The following PEPD variants were observed in gnomAD, a reference collection of about 807,000 sequenced individuals.
PEPD encodes xaa-Pro dipeptidase.
Under a neutral mutation model 60.7 loss-of-function variants are expected in PEPD, and 53 were observed. The ratio of observed to expected loss-of-function variants is 0.87; its 90% confidence interval spans 0.70 to 1.10. PEPD has a LOEUF of 1.10. Ranked by LOEUF, PEPD falls within the 50% of genes least tolerant of loss-of-function variation. The pLI, the probability that PEPD is intolerant of heterozygous loss-of-function variation, is 0.00. For missense variants in PEPD, 711 were observed against 711.9 expected (o/e 1.00, Z 0.01); for synonymous variants, 267 against 284.1 (o/e 0.94, Z 0.60).
chr19:33,393,584 C>T (rs745452617), intron 12 of PEPD, among the ~76,000 whole-genome samples: 2 of 148,176 alleles, frequency 1.3e-5, no homozygotes, highest in Non-Finnish European at 3.0e-5. Context: ...AGGCAGGCCC[C>T]GGGGGGTTGC....
In PEPD at chr19:33,512,703, A is replaced by G; in HGVS notation, c.91T>C (p.Cys31Arg). Residue 31 changes from cysteine (C) to arginine (R), a missense_variant, in exon 2 of 15, where the codon TGT (cysteine) becomes CGT (arginine). By Grantham distance (180) the Cys-to-Arg change is radical. Transcript: ENST00000244137. ...GCAGGGTTCTTCCGCAGCCGCTCAC[A>G]CAGGCGCTGCCGGTTCAAGGCAAAG... ...ALFALNRQRL[C>R]ERLRKNPAVQ... is the part of the protein sequence containing the mutation. 1 of 1,614,046 alleles carries G rather than the reference A, an allele frequency of 6.2e-7. No homozygotes were observed.
In PEPD at chr19:33,490,035, C is replaced by T; in HGVS notation, c.464G>A (p.Gly155Asp). 1 of 1,612,160 alleles carries T rather than the reference C, an allele frequency of 6.2e-7. No individual in the cohort carries two copies. The highest frequency in any genetic ancestry group is 1.1e-5 in the South Asian group (1 of 90,688). Residue 155 changes from glycine (G) to aspartate (D), a missense_variant, in exon 6 of 15, where the codon GGC (glycine) becomes GAC (aspartate). Coordinates refer to ENST00000244137, the MANE Select transcript of PEPD (RefSeq NM_000285.4). ...LTLRGVNTDS[G>D]SVCREASFDG... Reference sequence around the variant, plus strand: ...AAAGGAGGCCTCCCTGCAGACACTGCCGCTGTCCGTGTTGACGCCACGCTG... The same window carrying T: ...AAAGGAGGCCTCCCTGCAGACACTGTCGCTGTCCGTGTTGACGCCACGCTG...
At chr19:33,416,235 G>A (rs1280246922) in intron 9 of PEPD, among the ~76,000 whole-genome samples, 1 of 152,196 alleles carries the variant, frequency 6.6e-6, no homozygotes, top group East Asian at 1.9e-4. Flanking sequence ...TGGGCTATGA[G>A]GACAGGCTAA....
intron 9 of PEPD, among the ~76,000 whole-genome samples, chr19:33,439,905 A>C (rs961823221): frequency 6.6e-6 from 1 of 152,148 alleles, no homozygotes; most frequent in Non-Finnish European, 1.5e-5. Context: ...TTTTGTAGAG[A>C]TGGGGTCTTC....
intron 9 of PEPD, among the ~76,000 whole-genome samples, chr19:33,462,165 T>C (rs1969938176): frequency 6.6e-6 from 1 of 152,134 alleles, no homozygotes; most frequent in South Asian, 2.1e-4. Flanking sequence ...GAGCAGGCCC[T>C]GAGGACATCT....
rs1217946843 is a variant in PEPD at position 33,500,926 on chromosome 19, C to T, written c.393+12G>A. 2 of 1,544,060 alleles carry T rather than the reference C, an allele frequency of 1.3e-6. No homozygotes were observed. Among genetic ancestry groups the T allele is most frequent in the Non-Finnish European group, 1.8e-6 (2 of 1,117,004 alleles). ...AGCCCTGGGCTGCTCAGAGGAGGAGCCGGCTACCCACCTCATCTACGTACT... is the reference window on the plus strand; with the variant it reads ...AGCCCTGGGCTGCTCAGAGGAGGAGTCGGCTACCCACCTCATCTACGTACT... On this transcript the variant is annotated intron_variant, in intron 4 of 14. Transcript: ENST00000244137.
chr19:33,391,191 TC>T (rs1968209147), intron 13 of PEPD, 103 bp downstream of exon 13: 2 of 936,414 alleles, frequency 2.1e-6, no homozygotes, highest in Admixed American at 2.0e-5. Context: ...ATCCCTGCCA[TC>T]CCAATACACG....
chr19:33,413,112 A>G (rs1968813588), intron 10 of PEPD, among the ~76,000 whole-genome samples: 1 of 152,184 alleles, frequency 6.6e-6, no homozygotes, highest in Non-Finnish European at 1.5e-5. Context: ...CACATACAGC[A>G]GCACTGGTCC....
intron 6 of PEPD, among the ~76,000 whole-genome samples, chr19:33,487,798 T>G (rs948910550): frequency 6.6e-6 from 1 of 152,134 alleles, no homozygotes; most frequent in Middle Eastern, 3.4e-3. Flanking sequence ...GAGCACAGGC[T>G]CCTCTGGGCT....
chr19:33,450,750 A>G (rs1396415356), intron 9 of PEPD, among the ~76,000 whole-genome samples: 3 of 152,216 alleles, frequency 2.0e-5, no homozygotes, highest in Non-Finnish European at 4.4e-5. Context: ...AAGGTAGGGG[A>G]AAGGGAGATT....
intron 13 of PEPD, chr19:33,389,002 G>A (rs868334187): frequency 6.6e-6 from 1 of 152,360 alleles, no homozygotes; most frequent in East Asian, 1.9e-4. Flanking sequence ...GTCAGGGGAT[G>A]AGCCTGCCCT....
intron 9 of PEPD, among the ~76,000 whole-genome samples, chr19:33,437,636 G>A (rs751334727): frequency 6.6e-6 from 1 of 152,190 alleles, no homozygotes; most frequent in Non-Finnish European, 1.5e-5. Context: ...ATCATGATGC[G>A]TTTGATGTTT....
chr19:33,478,168 T>C, intron 6 of PEPD, 78 bp from the exon 7 acceptor site: 1 of 910,482 alleles, frequency 1.1e-6, no homozygotes, highest in Non-Finnish European at 1.8e-6. Flanking sequence ...ATTCAAGACA[T>C]GCACACGTGA....
intron 1 of PEPD, among the ~76,000 whole-genome samples, chr19:33,519,009 T>A (rs2145365583): frequency 1.3e-5 from 2 of 152,112 alleles, no homozygotes; most frequent in South Asian, 4.2e-4. Context: ...AAGAAGGGAA[T>A]GGAAAAAGCC....
intron 3 of PEPD, among the ~76,000 whole-genome samples, chr19:33,502,801 A>G (rs978890082): frequency 7.2e-5 from 11 of 151,998 alleles, no homozygotes; most frequent in African/African-American, 2.7e-4. Flanking sequence ...CGGCTCCCAC[A>G]CTGTGGAGTG....
chr19:33,448,772 GAAA>G (rs1969640627), intron 9 of PEPD, among the ~76,000 whole-genome samples: 1 of 152,120 alleles, frequency 6.6e-6, no homozygotes, highest in Non-Finnish European at 1.5e-5. Context: ...CTGCTCTGTG[GAAA>G]TTCCAGCCCA....
intron 14 of PEPD, 26 bp from the exon 15 acceptor site, chr19:33,387,507 T>C (rs201915765): frequency 2.5e-6 from 4 of 1,612,488 alleles, no homozygotes; most frequent in African/African-American, 2.7e-5. Flanking sequence ...AGACACACAT[T>C]ATCATAGAGC....
At chr19:33,486,339 C>A (rs959198170) in intron 6 of PEPD, among the ~76,000 whole-genome samples, 1 of 151,660 alleles carries the variant, frequency 6.6e-6, no homozygotes, top group African/African-American at 2.4e-5. Context: ...CCAGAGCCCG[C>A]AGCAAAGCCT....
rs1970117523 is a variant in PEPD, at chr19:33,471,385, A to G, written c.548+6661T>C. ...AACTGTTTTTAAGATAACTGTAGAA[A>G]AGAACAGGATTTTCCAGCATTCCGC... On this transcript the variant is annotated intron_variant, in intron 7 of 14. Transcript: ENST00000244137. Among the ~76,000 whole-genome samples, 8 of 152,300 alleles carry G rather than the reference A, an allele frequency of 5.3e-5. 1 individual carries two copies. In the South Asian group the frequency reaches 1.7e-3, roughly 32 times the overall value.
Sources: gnomAD v4.1 joint callset for allele counts (sites outside exome capture counted in the v4.1 genomes callset) on GRCh38, gnomAD v4.1.1 for gene constraint, MANE v1.5 for transcripts, NCBI Gene and HGNC (gene_info 2026-07-23, HGNC 2026-07-21) for gene names.